Variants in SLC35A3 observed in about 807,000 individuals in gnomAD.
SLC35A3 encodes UDP-N-acetylglucosamine transporter.
A neutral mutation model predicts 39.0 loss-of-function variants in SLC35A3; 26 were observed. The ratio of observed to expected loss-of-function variants is 0.67; its 90% confidence interval spans 0.49 to 0.92. SLC35A3 has a LOEUF of 0.92. Ranked by LOEUF, SLC35A3 falls within the 40% of genes least tolerant of loss-of-function variation. The pLI is 0.00. For synonymous variants in SLC35A3, 135 were observed against 133.1 expected (o/e 1.01, Z -0.10); for missense variants, 299 against 371.6 (o/e 0.80, Z 1.61).
At chr1:100,002,659 C>T (rs180924579) in intron 3 of SLC35A3, among the ~76,000 whole-genome samples, 3 of 152,224 alleles carry the variant, frequency 2.0e-5, no homozygotes, top group African/African-American at 7.2e-5. Flanking sequence ...CTTTGTTGCC[C>T]ACACTGGAGT....
At chr1:100,017,875 T>C in intron 7 of SLC35A3, 60 bp downstream of exon 7, 1 of 1,009,688 alleles carries the variant, frequency 9.9e-7, no homozygotes. Context: ...ATTAGAATTC[T>C]TTGTAAGGTG....
At chr1:99,985,022 C>G (rs146720877) in intron 1 of SLC35A3, among the ~76,000 whole-genome samples, 2,041 of 152,162 alleles carry the variant, frequency 0.013, 18 homozygotes, top group Middle Eastern at 0.058. Flanking sequence ...ATATTTTCTC[C>G]CACTCTGTGG....
At chr1:99,972,291 T>G (rs1045041631) in intron 1 of SLC35A3, among the ~76,000 whole-genome samples, 1 of 152,018 alleles carries the variant, frequency 6.6e-6, no homozygotes, top group Non-Finnish European at 1.5e-5. Flanking sequence ...TTATCCCTAC[T>G]GTAATGTAAG....
intron 1 of SLC35A3, among the ~76,000 whole-genome samples, chr1:99,992,729 G>C (rs1194898730): frequency 6.6e-6 from 1 of 152,066 alleles, no homozygotes; most frequent in Non-Finnish European, 1.5e-5. Flanking sequence ...TCCAAGTTGA[G>C]ACCTTTTTTC....
intron 1 of SLC35A3, chr1:99,970,701 C>G: frequency 8.2e-7 from 1 of 1,226,254 alleles, no homozygotes; most frequent in Admixed American, 2.0e-5. Flanking sequence ...CTCATCAGAA[C>G]AGGTGTGTGG....
At chr1:99,973,569 C>T (rs932921827) in intron 1 of SLC35A3, among the ~76,000 whole-genome samples, 2 of 152,124 alleles carry the variant, frequency 1.3e-5, no homozygotes, top group African/African-American at 4.8e-5. Context: ...ATTGCCTGAC[C>T]AGAACTCTTT....
intron 3 of SLC35A3, among the ~76,000 whole-genome samples, chr1:100,005,775 G>A (rs186855980): frequency 1.3e-5 from 2 of 152,128 alleles, no homozygotes; most frequent in East Asian, 3.9e-4. Context: ...GTCTGCTTGT[G>A]TTCTCTTGTA....
intron 1 of SLC35A3, among the ~76,000 whole-genome samples, chr1:99,989,853 C>T (rs1570582603): frequency 6.6e-6 from 1 of 151,824 alleles, no homozygotes; most frequent in East Asian, 1.9e-4. Flanking sequence ...GCAGCCTTGA[C>T]CTTCTGGGCT....
At position 100,011,394 on chromosome 1, in the gene SLC35A3, G is replaced by T; in HGVS notation, c.495G>T (p.Lys165Asn). ...QWPSDSQLDS[K>N]ELSAGSQFVG... is the part of the protein sequence containing the mutation. The stretch of plus-strand genomic sequence containing the variant: ...CCTCAGATTCTCAGCTTGATTCTAA[G>T]GAACTTTCAGCTGGTTCTCAATTTG... The change falls in exon 5 of 8, where the codon AAG becomes AAT. Residue 165 changes from lysine to asparagine, a missense_variant. Coordinates refer to ENST00000533028, the MANE Select transcript of SLC35A3 (RefSeq NM_012243.3). 1 of 1,550,318 alleles carries T rather than the reference G, an allele frequency of 6.5e-7. No homozygotes were observed. Among genetic ancestry groups the T allele is most frequent in the Non-Finnish European group, 8.7e-7 (1 of 1,145,544 alleles).
At chr1:99,985,675 A>G (rs1359648226) in intron 1 of SLC35A3, among the ~76,000 whole-genome samples, 7 of 152,178 alleles carry the variant, frequency 4.6e-5, no homozygotes, top group Admixed American at 4.6e-4. Context: ...CATTTTCACA[A>G]TATTGATTCT....
chr1:100,032,146 T>C lies in SLC35A3; in HGVS notation c.*9670T>C, dbSNP rs1393953434. 2.6e-5 allele frequency: 4 copies of C among 152,208 alleles called. No individual in the cohort carries two copies. The East Asian group carries it at 7.7e-4, about 29-fold the overall frequency. The allele number at this position is 152,208 out of a possible 1,614,324, so 9.4% of individuals were successfully genotyped here. A position where few individuals can be genotyped will look rare whatever the true frequency, so the allele number is the denominator to read the frequency against. ...TTTGGTTAAGATGATGACTACCCCA[T>C]TGTAAAGGTTATTGTAAAGTTCTCC... On this transcript the variant is annotated 3_prime_UTR_variant, in exon 8 of 8. Coordinates refer to ENST00000533028, the MANE Select transcript of SLC35A3 (RefSeq NM_012243.3).
rs1553201582 is a variant in SLC35A3 at position 99,999,416 on chromosome 1, G to A, written c.342+1G>A. The A allele has an allele frequency of 6.4e-7, 1 of 1,571,482 alleles. No individual in the cohort carries two copies. Among genetic ancestry groups the A allele is most frequent in the Non-Finnish European group, 8.6e-7 (1 of 1,164,490 alleles). On this transcript the variant is annotated splice_donor_variant, in intron 3 of 7. Transcript: ENST00000533028. LOFTEE classifies it high-confidence loss of function. The stretch of plus-strand genomic sequence containing the variant: ...AAATCTAGATGCAGCTACTTATCAG[G>A]TACTTAAAATACATTTCTTTCTTTT...
At position 100,024,814 on chromosome 1, in the gene SLC35A3, A is replaced by T. The variant is rs964367998; in HGVS notation, c.*2338A>T. 1.0e-5 allele frequency: 4 copies of T among 393,286 alleles called. No individual in the cohort carries two copies. Among genetic ancestry groups the T allele is most frequent in the African/African-American group, 8.3e-5 (4 of 48,434 alleles). 24.4% of individuals were successfully genotyped at this position (393,286 alleles called of 1,614,324 possible). A position where few individuals can be genotyped will look rare whatever the true frequency, so the allele number is the denominator to read the frequency against. On this transcript the variant is annotated 3_prime_UTR_variant, in exon 8 of 8. Transcript: ENST00000533028. ...GTATATATTTTTAAAGACTGTTCTA[A>T]TAGATATAAAAACTGTAAAAAATAA...
At chr1:99,972,044 G>A (rs986997389) in intron 1 of SLC35A3, among the ~76,000 whole-genome samples, 3 of 151,990 alleles carry the variant, frequency 2.0e-5, no homozygotes, top group African/African-American at 7.2e-5. Flanking sequence ...GATTACAGGT[G>A]CCCGCCACCA....
At chr1:100,009,130 T>C (rs986147449) in intron 4 of SLC35A3, 2 of 152,206 alleles carry the variant, frequency 1.3e-5, no homozygotes, top group Non-Finnish European at 2.9e-5. Flanking sequence ...TATAATCTCA[T>C]GTTATACCCA....
chr1:100,009,243 G>C (rs1659456094), intron 4 of SLC35A3: 1 of 152,132 alleles, frequency 6.6e-6, no homozygotes, highest in Non-Finnish European at 1.5e-5. Context: ...TAGTGGCAGA[G>C]CCAGAACCAA....
At chr1:100,017,878 G>C (rs907333653) in intron 7 of SLC35A3, 63 bp downstream of exon 7, 6 of 991,532 alleles carry the variant, frequency 6.1e-6, no homozygotes, top group Non-Finnish European at 8.7e-6. Context: ...AGAATTCTTT[G>C]TAAGGTGATC....
intron 1 of SLC35A3, chr1:99,970,521 C>T (rs1386384819): frequency 1.0e-5 from 16 of 1,531,016 alleles, no homozygotes; most frequent in Non-Finnish European, 1.4e-5. Flanking sequence ...CCCGTCATTC[C>T]TTCAGTGAAC....
At chr1:100,015,765 G>C (rs527654817) in intron 6 of SLC35A3, 2 of 237,566 alleles carry the variant, frequency 8.4e-6, no homozygotes. Flanking sequence ...CCAGGAAGCA[G>C]ATCTAGATAT....
Sources: gnomAD v4.1 joint callset for allele counts (sites outside exome capture counted in the v4.1 genomes callset) on GRCh38, gnomAD v4.1.1 for gene constraint, MANE v1.5 for transcripts, NCBI Gene and HGNC (gene_info 2026-07-23, HGNC 2026-07-21) for gene names.